CHMP4B: variants seen among roughly 807,000 people sequenced by gnomAD.
CHMP4B encodes charged multivesicular body protein 4B, also known as SNF7 homolog associated with Alix 1.
Under a neutral mutation model 25.1 loss-of-function variants are expected in CHMP4B, and 1 was observed. The observed-to-expected ratio is 0.04, with a 90% CI of 0.01 to 0.19. The LOEUF is 0.19. CHMP4B is among the 10% of genes least tolerant of loss of function. The pLI is 1.00. For synonymous variants in CHMP4B, 101 were observed against 115.6 expected, an observed-to-expected ratio of 0.87 and a Z score of 0.81; for missense variants, 151 against 289.7, an observed-to-expected ratio of 0.52 and a Z score of 3.48.
At chr20:33,819,862 G>A (rs1457330434) in intron 1 of CHMP4B, among the ~76,000 whole-genome samples, 1 of 152,152 alleles carries the variant, frequency 6.6e-6, no homozygotes, top group African/African-American at 2.4e-5. Flanking sequence ...AGACATCTAG[G>A]AAATTGTTAG....
chr20:33,824,861 G>A (rs995509273), intron 1 of CHMP4B, among the ~76,000 whole-genome samples: 14 of 152,148 alleles, frequency 9.2e-5, no homozygotes, highest in African/African-American at 3.4e-4. Context: ...GGTGGCAGAA[G>A]CTCCTAGGTT....
Position 33,817,233 on chromosome 20 carries a change from A to G in CHMP4B, c.190+5575A>G, listed in dbSNP as rs578186659. On this transcript the variant is annotated intron_variant, in intron 1 of 4. Transcript: ENST00000217402. ...ACGCTTAAGTTTCTTGTTTGGAAAA[A>G]TGGTTGGCTAGATTGAGTTTGGTTT... Among the ~76,000 whole-genome samples, 6 of 152,328 alleles carry G rather than the reference A, an allele frequency of 3.9e-5. No individual in the cohort carries two copies. The East Asian group carries it at 1.2e-3, about 29-fold the overall frequency.
At chr20:33,822,124 C>A (rs997907035) in intron 1 of CHMP4B, among the ~76,000 whole-genome samples, 1 of 151,832 alleles carries the variant, frequency 6.6e-6, no homozygotes, top group Non-Finnish European at 1.5e-5. Flanking sequence ...TGCACACGGC[C>A]TATTGCTATT....
At chr20:33,849,516 T>G (rs1485942741) in intron 2 of CHMP4B, among the ~76,000 whole-genome samples, 1 of 152,134 alleles carries the variant, frequency 6.6e-6, no homozygotes, top group Non-Finnish European at 1.5e-5. Context: ...GAGAATCGTT[T>G]GAACCCAGGA....
At chr20:33,837,962 C>T (rs996782021) in intron 1 of CHMP4B, among the ~76,000 whole-genome samples, 3 of 152,140 alleles carry the variant, frequency 2.0e-5, no homozygotes, top group Admixed American at 1.3e-4. Flanking sequence ...GCACCTAATC[C>T]GCCCTTCTTG....
At position 33,811,736 on chromosome 20, in the gene CHMP4B, C is replaced by T; in HGVS notation, c.190+78C>T. 2 of 1,455,122 alleles carry T rather than the reference C, an allele frequency of 1.4e-6. 1 individual carries two copies. The highest frequency in any genetic ancestry group is 2.4e-5 in the South Asian group (2 of 83,434). The allele number at this position is 1,455,122 out of a possible 1,614,324, so 90.1% of individuals were successfully genotyped here. ...GGGCCCGGACTTCACCTTCATCAGA[C>T]TCGCCTCGGGGTCTGGTCTGACCCT... On this transcript the variant is annotated intron_variant, in intron 1 of 4. Coordinates refer to ENST00000217402, the MANE Select transcript of CHMP4B (RefSeq NM_176812.5).
intron 1 of CHMP4B, among the ~76,000 whole-genome samples, chr20:33,816,977 T>C (rs1178600374): frequency 6.6e-6 from 1 of 152,232 alleles, no homozygotes; most frequent in Non-Finnish European, 1.5e-5. Flanking sequence ...GGTTTTCTCA[T>C]GTTTAATAAA....
chr20:33,814,822 ATTT>A (rs142679862), intron 1 of CHMP4B, among the ~76,000 whole-genome samples: 1 of 151,060 alleles, frequency 6.6e-6, no homozygotes, highest in Admixed American at 6.6e-5. Flanking sequence ...AATTCAAAAC[ATTT>A]TTTTTTGTAG....
At chr20:33,837,986 G>T (rs1176858655) in intron 1 of CHMP4B, among the ~76,000 whole-genome samples, 2 of 152,202 alleles carry the variant, frequency 1.3e-5, no homozygotes, top group African/African-American at 4.8e-5. Flanking sequence ...CCTTGATGAG[G>T]AGTCTGAGGC....
chr20:33,853,697 C>T lies in CHMP4B; in HGVS notation c.*137C>T, dbSNP rs1186262463. 3.3e-5 allele frequency: 20 copies of T among 601,810 alleles called. No homozygotes were observed. The highest frequency in any genetic ancestry group is 2.9e-4 in the Middle Eastern group (1 of 3,422). The allele number at this position is 601,810 out of a possible 1,614,324, so 37.3% of individuals were successfully genotyped here. On this transcript the variant is annotated 3_prime_UTR_variant, in exon 5 of 5. Coordinates refer to ENST00000217402, the MANE Select transcript of CHMP4B (RefSeq NM_176812.5). ...GACTCTCACTCCAAAGCAGTAGGGC[C>T]GCGTTGCTGCTCACTCTCTGCATAG...
In CHMP4B at chr20:33,848,462, C is replaced by T. The variant is rs377095745; in HGVS notation, c.191-5C>T. On this transcript the variant is annotated splice_polypyrimidine_tract_variant and splice_region_variant and intron_variant, in intron 1 of 4. Transcript: ENST00000217402. ...CTCTGAAACCCTGTTTTCTCCCTCA[C>T]GCAGCGGCCCTCCAGGCACTGAAGC... is the stretch of plus-strand genomic sequence containing the variant. The T allele has an allele frequency of 3.2e-4, 510 of 1,614,094 alleles. 5 individuals are homozygous for T. In the Middle Eastern group the frequency reaches 3.7e-3, roughly 12 times the overall value.
chr20:33,813,602 T>C (rs529644010), intron 1 of CHMP4B, among the ~76,000 whole-genome samples: 10 of 152,206 alleles, frequency 6.6e-5, no homozygotes, highest in Admixed American at 2.0e-4. Context: ...CCTCTGTTTA[T>C]GGTCATCAGA....
At chr20:33,841,065 T>C (rs1021703264) in intron 1 of CHMP4B, among the ~76,000 whole-genome samples, 8 of 152,244 alleles carry the variant, frequency 5.3e-5, no homozygotes, top group Non-Finnish European at 7.3e-5. Flanking sequence ...TTGTATTGTT[T>C]AAATGATTTG....
At chr20:33,822,530 C>T (rs1175998229) in intron 1 of CHMP4B, among the ~76,000 whole-genome samples, 1 of 152,218 alleles carries the variant, frequency 6.6e-6, no homozygotes, top group Non-Finnish European at 1.5e-5. Flanking sequence ...ACATAGGCAG[C>T]ATGTCATCGC....
chr20:33,812,924 G>T (rs971855552), intron 1 of CHMP4B, among the ~76,000 whole-genome samples: 1 of 152,152 alleles, frequency 6.6e-6, no homozygotes, highest in African/African-American at 2.4e-5. Context: ...ATTCATAGGG[G>T]TGAACAAAAC....
chr20:33,844,653 A>G lies in CHMP4B; in HGVS notation c.191-3814A>G, dbSNP rs557901209. On this transcript the variant is annotated intron_variant, in intron 1 of 4. Coordinates refer to ENST00000217402, the MANE Select transcript of CHMP4B (RefSeq NM_176812.5). ...TAGGGAAATAACTTTGGTTTTAAATATAAGAATGTAGCTGACTGTATAAAA... is the reference window on the plus strand; with the variant it reads ...TAGGGAAATAACTTTGGTTTTAAATGTAAGAATGTAGCTGACTGTATAAAA... Among the ~76,000 whole-genome samples the G allele has an allele frequency of 1.6e-3, 244 of 152,340 alleles. 1 individual carries two copies. The highest frequency in any genetic ancestry group is 5.6e-3 in the African/African-American group (234 of 41,570).
At chr20:33,830,198 G>T (rs1266607736) in intron 1 of CHMP4B, among the ~76,000 whole-genome samples, 1 of 152,182 alleles carries the variant, frequency 6.6e-6, no homozygotes, top group Non-Finnish European at 1.5e-5. Flanking sequence ...GAAGCATTTG[G>T]TGGTTCCCTC....
At chr20:33,827,767 A>T (rs549835658) in intron 1 of CHMP4B, among the ~76,000 whole-genome samples, 27 of 152,180 alleles carry the variant, frequency 1.8e-4, no homozygotes, top group Non-Finnish European at 3.7e-4. Flanking sequence ...CCAGTTAAGC[A>T]CACTGGGGTA....
At chr20:33,846,522 A>G (rs1183400959) in intron 1 of CHMP4B, among the ~76,000 whole-genome samples, 2 of 152,160 alleles carry the variant, frequency 1.3e-5, no homozygotes, top group Non-Finnish European at 2.9e-5. Context: ...GTGTGTATGT[A>G]TGTATTTTGG....
Sources: allele counts gnomAD v4.1 joint callset (sites outside exome capture counted in the v4.1 genomes callset), GRCh38; gene constraint gnomAD v4.1.1; transcripts MANE v1.5; gene names NCBI Gene and HGNC (gene_info 2026-07-23, HGNC 2026-07-21).